NKAIN2: variants seen among roughly 807,000 people sequenced by gnomAD.
NKAIN2 encodes sodium/potassium-transporting ATPase subunit beta-1-interacting protein 2.
A neutral mutation model predicts 32.6 loss-of-function variants in NKAIN2; 14 were observed. The ratio of observed to expected loss-of-function variants is 0.43; its 90% confidence interval spans 0.28 to 0.67. The LOEUF (loss-of-function observed/expected upper bound fraction) is 0.67, where lower values mean the gene tolerates loss of function less well. Among genes scored for constraint, NKAIN2 ranks in the 30% least tolerant of loss-of-function variants. The pLI is 0.17. For missense variants in NKAIN2, 198 were observed against 258.3 expected, an observed-to-expected ratio of 0.77 and a Z score of 1.60; for synonymous variants, 80 against 87.2, an observed-to-expected ratio of 0.92 and a Z score of 0.46.
At chr6:124,280,354 T>G (rs2114912815) in intron 1 of NKAIN2, among the ~76,000 whole-genome samples, 1 of 152,254 alleles carries the variant, frequency 6.6e-6, no homozygotes. Context: ...ATCAGCATGG[T>G]CTCTACTATA....
chr6:124,805,299 A>G (rs1195917318), intron 5 of NKAIN2, among the ~76,000 whole-genome samples: 2 of 152,152 alleles, frequency 1.3e-5, no homozygotes, highest in East Asian at 3.9e-4. Context: ...CAAAACTTCC[A>G]GAGGAACGAT....
chr6:124,724,754 T>A (rs1776191539), intron 4 of NKAIN2, among the ~76,000 whole-genome samples: 1 of 152,250 alleles, frequency 6.6e-6, no homozygotes. Flanking sequence ...GTTTATTACA[T>A]GTAAAAAGAC....
chr6:124,665,917 A>G (rs1772773372), intron 4 of NKAIN2, among the ~76,000 whole-genome samples: 1 of 152,130 alleles, frequency 6.6e-6, no homozygotes, highest in African/African-American at 2.4e-5. Flanking sequence ...GTTGGTGTAG[A>G]TCTGGAATTG....
In NKAIN2 at chr6:124,612,995, T is replaced by A. The variant is rs150905713; in HGVS notation, c.274-45191T>A. Among the ~76,000 whole-genome samples, 15 of 152,150 alleles carry A rather than the reference T, an allele frequency of 9.9e-5. No homozygotes were observed. In the East Asian group the frequency reaches 2.9e-3, roughly 29 times the overall value. On this transcript the variant is annotated intron_variant, in intron 3 of 6. Coordinates refer to ENST00000368417, the MANE Select transcript of NKAIN2 (RefSeq NM_001040214.3). The stretch of plus-strand genomic sequence containing the variant: ...TGCTCAAGAGCCAAGAAATACAAAG[T>A]CAACTAAAAGAGAGCAAGTGACTCT...
intron 4 of NKAIN2, among the ~76,000 whole-genome samples, chr6:124,706,808 A>C (rs1272462325): frequency 6.6e-6 from 1 of 152,186 alleles, no homozygotes; most frequent in East Asian, 1.9e-4. Flanking sequence ...GACTGAATGC[A>C]TTAAAGGATG....
chr6:124,355,469 G>T (rs1357905850), intron 3 of NKAIN2, 122 bp downstream of exon 3: 2 of 633,182 alleles, frequency 3.2e-6, no homozygotes, highest in Non-Finnish European at 5.7e-6. Context: ...AAATTGAAAG[G>T]TGTCTTGATT....
chr6:124,599,076 G>A (rs1002153772), intron 3 of NKAIN2, among the ~76,000 whole-genome samples: 7 of 146,224 alleles, frequency 4.8e-5, no homozygotes, highest in South Asian at 2.2e-4. Flanking sequence ...TTCAAAAACC[G>A]AAAATATCAT....
intron 1 of NKAIN2, among the ~76,000 whole-genome samples, chr6:123,873,209 G>A (rs11753061): frequency 0.25 from 35,516 of 139,958 alleles, 4,766 homozygotes; most frequent in Non-Finnish European, 0.29. Flanking sequence ...CCATGGAAGA[G>A]CTAATATATA....
chr6:124,712,149 C>A (rs1403342146), intron 4 of NKAIN2, among the ~76,000 whole-genome samples: 1 of 151,176 alleles, frequency 6.6e-6, no homozygotes, highest in Non-Finnish European at 1.5e-5. Context: ...GCGTCAGGGA[C>A]CCACTTGAGG....
At chr6:123,955,854 C>A (rs1293448660) in intron 1 of NKAIN2, among the ~76,000 whole-genome samples, 2 of 152,022 alleles carry the variant, frequency 1.3e-5, no homozygotes, top group Non-Finnish European at 2.9e-5. Context: ...TCTCAAATTC[C>A]TGACCTCCAG....
chr6:124,097,195 G>T (rs993648532), intron 1 of NKAIN2, among the ~76,000 whole-genome samples: 1 of 151,674 alleles, frequency 6.6e-6, no homozygotes, highest in Non-Finnish European at 1.5e-5. Flanking sequence ...AGATCACGAG[G>T]TCGAGACCAT....
At chr6:124,033,576 T>C (rs1306191998) in intron 1 of NKAIN2, among the ~76,000 whole-genome samples, 3 of 152,090 alleles carry the variant, frequency 2.0e-5, no homozygotes, top group African/African-American at 7.2e-5. Context: ...ACATTTGGGA[T>C]ACTGAAATGA....
intron 1 of NKAIN2, among the ~76,000 whole-genome samples, chr6:124,178,456 C>A (rs1431788193): frequency 1.3e-5 from 2 of 151,912 alleles, no homozygotes; most frequent in African/African-American, 4.8e-5. Flanking sequence ...CGCCACCATG[C>A]CCGGCTAATT....
intron 4 of NKAIN2, among the ~76,000 whole-genome samples, chr6:124,702,241 GATAA>G (rs1480649809): frequency 2.0e-5 from 3 of 151,924 alleles, no homozygotes; most frequent in Admixed American, 1.3e-4. Flanking sequence ...TTTTTGTGTG[GATAA>G]ATAGATCATA....
At chr6:124,762,420 G>A (rs1778314074) in intron 4 of NKAIN2, among the ~76,000 whole-genome samples, 1 of 152,050 alleles carries the variant, frequency 6.6e-6, no homozygotes, top group Non-Finnish European at 1.5e-5. Flanking sequence ...TGAGGTACTG[G>A]GCTGAGGGCT....
At chr6:124,015,199 GA>G (rs143533230) in intron 1 of NKAIN2, among the ~76,000 whole-genome samples, 3,866 of 152,158 alleles carry the variant, frequency 0.025, 151 homozygotes, top group African/African-American at 0.085. Context: ...ACAAGTCAAG[GA>G]AAGGGATGCT....
At chr6:124,134,833 A>C (rs1786653851) in intron 1 of NKAIN2, among the ~76,000 whole-genome samples, 3 of 152,334 alleles carry the variant, frequency 2.0e-5, no homozygotes, top group Admixed American at 1.3e-4. Context: ...TCACCTAGGC[A>C]TATAGACATC....
chr6:124,490,270 C>T (rs758739155), intron 3 of NKAIN2: 12 of 384,308 alleles, frequency 3.1e-5, no homozygotes, highest in Non-Finnish European at 6.0e-5. Flanking sequence ...ATGTTATCAC[C>T]ACCAATTACA....
At chr6:123,804,803 A>G (rs1773147670) in intron 1 of NKAIN2, among the ~76,000 whole-genome samples, 1 of 152,176 alleles carries the variant, frequency 6.6e-6, no homozygotes, top group Non-Finnish European at 1.5e-5. Flanking sequence ...TTTTAGCCAC[A>G]TTGAGTTTTT....
Sources: gnomAD v4.1 joint callset for allele counts (sites outside exome capture counted in the v4.1 genomes callset) on GRCh38, gnomAD v4.1.1 for gene constraint, MANE v1.5 for transcripts, NCBI Gene and HGNC (gene_info 2026-07-23, HGNC 2026-07-21) for gene names.